CNTNAP2: variants seen among roughly 807,000 people sequenced by gnomAD.
CNTNAP2 encodes the protein contactin-associated protein-like 2.
Under a neutral mutation model 155.2 loss-of-function variants are expected in CNTNAP2, and 98 were observed. The ratio of observed to expected loss-of-function variants is 0.63; its 90% confidence interval spans 0.54 to 0.75. The LOEUF is 0.75. Among genes scored for constraint, CNTNAP2 ranks in the 30% least tolerant of loss-of-function variants. The pLI is 0.00. For synonymous variants in CNTNAP2, 651 were observed against 631.2 expected (o/e 1.03, Z -0.47); for missense variants, 1,727 against 1,688.1 (o/e 1.02, Z -0.40).
intron 13 of CNTNAP2, among the ~76,000 whole-genome samples, chr7:147,725,024 T>TCAGCAGAAAAG (rs1309346676): frequency 1.3e-5 from 2 of 151,958 alleles, no homozygotes; most frequent in Non-Finnish European, 2.9e-5. Flanking sequence ...CCTTCTCAGA[T>TCAGCAGAAAAG]CAGCAGAAAA....
At chr7:146,359,715 T>C (rs1795054479) in intron 1 of CNTNAP2, among the ~76,000 whole-genome samples, 1 of 152,188 alleles carries the variant, frequency 6.6e-6, no homozygotes, top group African/African-American at 2.4e-5. Flanking sequence ...TGTAATAGCA[T>C]ATTTTATGAG....
chr7:146,702,042 T>C (rs1800886582), intron 1 of CNTNAP2, among the ~76,000 whole-genome samples: 1 of 152,190 alleles, frequency 6.6e-6, no homozygotes, highest in Admixed American at 6.6e-5. Context: ...GTACTTTATT[T>C]GAAAGCAAGC....
chr7:146,977,798 C>T (rs982151692), intron 3 of CNTNAP2, among the ~76,000 whole-genome samples: 9 of 152,150 alleles, frequency 5.9e-5, no homozygotes, highest in African/African-American at 1.9e-4. Context: ...TGCCTTTGCG[C>T]TGTCTGAGTT....
chr7:147,241,636 G>GAAAAAAAAAAAAAAAAAAAAAAAAA (rs773697991), intron 8 of CNTNAP2, among the ~76,000 whole-genome samples: 1 of 63,134 alleles, frequency 1.6e-5, no homozygotes. Flanking sequence ...TCAAAAAAAG[G>GAAAAAAAAAAAAAAAAAAAAAAAAA]AAAAAAAAAA....
At chr7:146,397,349 T>C (rs1795645159) in intron 1 of CNTNAP2, among the ~76,000 whole-genome samples, 1 of 152,242 alleles carries the variant, frequency 6.6e-6, no homozygotes, top group Admixed American at 6.5e-5. Flanking sequence ...CTTGGTCATT[T>C]CACATGCTGT....
At chr7:146,766,604 G>A (rs1802199224) in intron 1 of CNTNAP2, among the ~76,000 whole-genome samples, 1 of 152,152 alleles carries the variant, frequency 6.6e-6, no homozygotes, top group Admixed American at 6.5e-5. Flanking sequence ...CTTTAGCTGT[G>A]AGATCTGAAG....
chr7:148,007,066 A>G (rs982706224), intron 15 of CNTNAP2, among the ~76,000 whole-genome samples: 10 of 152,222 alleles, frequency 6.6e-5, no homozygotes, highest in Admixed American at 6.5e-4. Flanking sequence ...TAAGAGCCAA[A>G]CAATTCAGCA....
chr7:148,215,256 T>C (rs1447811152), intron 18 of CNTNAP2, among the ~76,000 whole-genome samples: 12 of 152,130 alleles, frequency 7.9e-5, no homozygotes, highest in African/African-American at 2.2e-4. Flanking sequence ...AAGACAAAAG[T>C]TTTTAAAGGA....
At chr7:147,651,734 A>G (rs924126887) in intron 13 of CNTNAP2, among the ~76,000 whole-genome samples, 6 of 152,230 alleles carry the variant, frequency 3.9e-5, no homozygotes, top group African/African-American at 1.4e-4. Context: ...GATAAGTCAA[A>G]AGACAAAGAC....
intron 17 of CNTNAP2, among the ~76,000 whole-genome samples, chr7:148,170,479 G>C (rs771549941): frequency 6.6e-6 from 1 of 152,236 alleles, no homozygotes; most frequent in Non-Finnish European, 1.5e-5. Context: ...AAGCCCAGTT[G>C]ACAAACAGAT....
At chr7:147,655,421 C>A (rs1212376662) in intron 13 of CNTNAP2, among the ~76,000 whole-genome samples, 5 of 152,216 alleles carry the variant, frequency 3.3e-5, no homozygotes, top group Non-Finnish European at 7.3e-5. Flanking sequence ...CCGCGCCCAG[C>A]CTATTTTTTA....
At chr7:148,217,648 A>G (rs759905084) in intron 19 of CNTNAP2, 124 bp downstream of exon 19, 88 of 1,087,096 alleles carry the variant, frequency 8.1e-5, no homozygotes, top group Non-Finnish European at 1.2e-4. Context: ...AGCAAGTCAC[A>G]TAACTTCTTT....
chr7:147,043,637 A>G (rs1372785039), intron 3 of CNTNAP2, among the ~76,000 whole-genome samples: 1 of 152,234 alleles, frequency 6.6e-6, no homozygotes, highest in Non-Finnish European at 1.5e-5. Flanking sequence ...TGTGTATGGA[A>G]CACAACAGTG....
chr7:147,290,824 G>GGACC lies in CNTNAP2; in HGVS notation c.1349-9316_1349-9313dup, dbSNP rs149598445. Among the ~76,000 whole-genome samples the GGACC allele has an allele frequency of 5.7e-3, 864 of 152,234 alleles. 9 individuals are homozygous for GGACC. Among genetic ancestry groups the GGACC allele is most frequent in the African/African-American group, 0.02 (822 of 41,536 alleles). ...AGCTCAGTTGGAAACTTGTGCCTTA[G>GGACC]GACCACTCTGTACATGCATGAGTCT... On this transcript the variant is annotated intron_variant, in intron 8 of 23. Coordinates refer to ENST00000361727, the MANE Select transcript of CNTNAP2 (RefSeq NM_014141.6).
At chr7:146,287,431 TA>T (rs1800354419) in intron 1 of CNTNAP2, among the ~76,000 whole-genome samples, 1 of 152,204 alleles carries the variant, frequency 6.6e-6, no homozygotes, top group Non-Finnish European at 1.5e-5. Flanking sequence ...AGGTTGCCTG[TA>T]GGGGCAACTT....
At chr7:146,304,535 G>A (rs1299640777) in intron 1 of CNTNAP2, among the ~76,000 whole-genome samples, 3 of 151,982 alleles carry the variant, frequency 2.0e-5, no homozygotes, top group Non-Finnish European at 2.9e-5. Context: ...ATGAAGCTTA[G>A]TTCGGCTGGA....
intron 13 of CNTNAP2, among the ~76,000 whole-genome samples, chr7:147,819,253 C>A (rs1473070786): frequency 6.6e-6 from 1 of 152,158 alleles, no homozygotes; most frequent in East Asian, 1.9e-4. Flanking sequence ...TTGCTGTAAG[C>A]TGTACCAGCA....
chr7:147,125,641 A>T (rs1276849626), intron 6 of CNTNAP2, among the ~76,000 whole-genome samples: 3 of 152,220 alleles, frequency 2.0e-5, no homozygotes, highest in African/African-American at 7.2e-5. Flanking sequence ...TGACCATTGC[A>T]GAACCACAGA....
At chr7:146,941,786 T>C (rs979668414) in intron 3 of CNTNAP2, among the ~76,000 whole-genome samples, 1 of 152,054 alleles carries the variant, frequency 6.6e-6, no homozygotes, top group Non-Finnish European at 1.5e-5. Context: ...CAGATTTTTT[T>C]TTTTCTTCAG....
Sources: gnomAD v4.1 joint callset for allele counts (sites outside exome capture counted in the v4.1 genomes callset) on GRCh38, gnomAD v4.1.1 for gene constraint, MANE v1.5 for transcripts, NCBI Gene and HGNC (gene_info 2026-07-23, HGNC 2026-07-21) for gene names.